Variants in FBLN7 observed in about 807,000 individuals in gnomAD.
FBLN7 encodes the protein fibulin-7.
A neutral mutation model predicts 44.0 loss-of-function variants in FBLN7; 31 were observed. The ratio of observed to expected loss-of-function variants is 0.70; its 90% CI spans 0.53 to 0.95. The LOEUF is 0.95. FBLN7 is among the 40% of genes least tolerant of loss of function. FBLN7 has a pLI of 0.00. For missense variants in FBLN7, 573 were observed against 618.5 expected, an observed-to-expected ratio of 0.93 and a Z score of 0.78; for synonymous variants, 262 against 253.4, an observed-to-expected ratio of 1.03 and a Z score of -0.32.
rs1386000666 is a variant in FBLN7, at chr2:112,160,746, GCGCA to G, written c.235+917_235+920del. Among the ~76,000 whole-genome samples, 309 of 86,264 alleles carry G rather than the reference GCGCA, an allele frequency of 3.6e-3. 1 individual carries two copies. The highest frequency in any genetic ancestry group is 0.012 in the African/African-American group (278 of 23,072). 56.6% of individuals were successfully genotyped at this position (86,264 alleles called of 152,430 possible). ...CGCACACGCACGCACACGCACACAC[GCGCA>G]CGCACACACGCACGCACACGCAGAC... On this transcript the variant is annotated intron_variant, in intron 2 of 7. Coordinates refer to ENST00000331203, the MANE Select transcript of FBLN7 (RefSeq NM_153214.3).
the FBLN7 span, among the ~76,000 whole-genome samples, chr2:112,228,797 A>C: frequency 6.6e-6 from 1 of 152,216 alleles, no homozygotes; most frequent in Non-Finnish European, 1.5e-5. Context: ...ATAAAATAAG[A>C]CAAGCCACAG....
At chr2:112,203,929 T>A in the FBLN7 span, among the ~76,000 whole-genome samples, 1 of 152,044 alleles carries the variant, frequency 6.6e-6, no homozygotes, top group Non-Finnish European at 1.5e-5. Flanking sequence ...TCCCACCAGC[T>A]CCCTCCCACA....
intron 1 of FBLN7, among the ~76,000 whole-genome samples, chr2:112,149,581 TC>T (rs1466685338): frequency 1.3e-5 from 2 of 152,050 alleles, no homozygotes; most frequent in Non-Finnish European, 2.9e-5. Context: ...CTGGCCACTC[TC>T]CCCTGACCCA....
At chr2:112,174,854 C>A (rs1433276040) in intron 3 of FBLN7, among the ~76,000 whole-genome samples, 2 of 152,110 alleles carry the variant, frequency 1.3e-5, no homozygotes, top group African/African-American at 2.4e-5. Context: ...GGATTACAGG[C>A]ACATACCACC....
chr2:112,183,427 AG>A (rs1383858805), intron 6 of FBLN7, among the ~76,000 whole-genome samples: 1 of 152,164 alleles, frequency 6.6e-6, no homozygotes, highest in Non-Finnish European at 1.5e-5. Context: ...ACAACAAGGG[AG>A]GCGGAGCACC....
intron 1 of FBLN7, among the ~76,000 whole-genome samples, chr2:112,153,616 G>A (rs1459334133): frequency 6.6e-6 from 1 of 152,202 alleles, no homozygotes; most frequent in Non-Finnish European, 1.5e-5. Flanking sequence ...CAGCATGGGG[G>A]CCTGGATGGG....
the FBLN7 span, among the ~76,000 whole-genome samples, chr2:112,231,222 A>G: frequency 6.6e-6 from 1 of 152,200 alleles, no homozygotes; most frequent in Non-Finnish European, 1.5e-5. Flanking sequence ...TCTATAAACA[A>G]GCACCTTTGA....
the FBLN7 span, among the ~76,000 whole-genome samples, chr2:112,198,496 G>A: frequency 6.6e-6 from 1 of 152,104 alleles, no homozygotes; most frequent in African/African-American, 2.4e-5. Flanking sequence ...AAATTAGCCA[G>A]GTGTATTGGT....
intron 1 of FBLN7, among the ~76,000 whole-genome samples, chr2:112,141,949 T>G (rs188172707): frequency 1.2e-4 from 18 of 152,332 alleles, no homozygotes; most frequent in Admixed American, 9.8e-4. Flanking sequence ...CCAGTCTTTC[T>G]CAAGTTTCTT....
At chr2:112,150,654 G>T (rs1276820951) in intron 1 of FBLN7, among the ~76,000 whole-genome samples, 1 of 152,180 alleles carries the variant, frequency 6.6e-6, no homozygotes, top group East Asian at 1.9e-4. Flanking sequence ...TCTTGGCTCG[G>T]ATCCTTCCTG....
chr2:112,153,568 C>T (rs530524603), intron 1 of FBLN7, among the ~76,000 whole-genome samples: 3 of 152,312 alleles, frequency 2.0e-5, no homozygotes, highest in Non-Finnish European at 2.9e-5. Flanking sequence ...TCTCTGTACC[C>T]TCTGTTGCCT....
At chr2:112,209,631 T>A in the FBLN7 span, among the ~76,000 whole-genome samples, 2 of 152,160 alleles carry the variant, frequency 1.3e-5, no homozygotes, top group African/African-American at 4.8e-5. Context: ...TAACCAAGCA[T>A]GGGCTATCAC....
chr2:112,235,936 TAAA>T, the FBLN7 span, among the ~76,000 whole-genome samples: 2 of 122,598 alleles, frequency 1.6e-5, no homozygotes. Flanking sequence ...AGTATAACAC[TAAA>T]AAAAAAAAAA....
At position 112,166,043 on chromosome 2, in the gene FBLN7, C is replaced by CTTTGTT. The variant is rs370406560; in HGVS notation, c.406+892_406+897dup. Among the ~76,000 whole-genome samples, 460 of 152,220 alleles carry CTTTGTT rather than the reference C, an allele frequency of 3.0e-3. 3 individuals carry two copies. The highest frequency in any genetic ancestry group is 0.01 in the African/African-American group (436 of 41,534). On this transcript the variant is annotated intron_variant, in intron 3 of 7. Coordinates refer to ENST00000331203, the MANE Select transcript of FBLN7 (RefSeq NM_153214.3). Reference sequence around the variant, plus strand: ...TTGCAAAAGCAGAGTAGAGAGAGGACTTTGTTTTTGTTTTTGTTTTTGTTT... The same window carrying CTTTGTT: ...TTGCAAAAGCAGAGTAGAGAGAGGACTTTGTTTTTGTTTTTGTTTTTGTTTTTGTTT...
chr2:112,160,206 G>A (rs571665844), intron 2 of FBLN7, among the ~76,000 whole-genome samples: 37 of 152,238 alleles, frequency 2.4e-4, no homozygotes, highest in African/African-American at 8.7e-4. Flanking sequence ...TAGCCAGGAT[G>A]GTCTCGATCT....
chr2:112,182,957 A>G (rs1439999608), intron 6 of FBLN7, 29 bp downstream of exon 6: 1 of 1,607,308 alleles, frequency 6.2e-7, no homozygotes, highest in Non-Finnish European at 8.5e-7. Context: ...TGTCGTCTGC[A>G]CCCAGCCACC....
intron 6 of FBLN7, among the ~76,000 whole-genome samples, chr2:112,184,334 G>A (rs1352002148): frequency 1.3e-5 from 2 of 152,166 alleles, no homozygotes; most frequent in African/African-American, 4.8e-5. Flanking sequence ...GGGAGAGGTG[G>A]CTCCCCGGTG....
At chr2:112,175,658 T>C (rs1379570635) in intron 3 of FBLN7, 56 bp from the exon 4 acceptor site, 9 of 1,598,356 alleles carry the variant, frequency 5.6e-6, no homozygotes, top group South Asian at 1.1e-5. Flanking sequence ...TTTTATTGTA[T>C]TTGTTTTAGA....
chr2:112,230,988 AT>A, the FBLN7 span: 1 of 1,164,700 alleles, frequency 8.6e-7, no homozygotes. Flanking sequence ...ATTTTTATGC[AT>A]TCATGTGTAA....
Sources: allele counts gnomAD v4.1 joint callset (sites outside exome capture counted in the v4.1 genomes callset), GRCh38; gene constraint gnomAD v4.1.1; transcripts MANE v1.5; gene names NCBI Gene and HGNC (gene_info 2026-07-23, HGNC 2026-07-21).